DYNC2I1: variants seen among roughly 807,000 people sequenced by gnomAD.
The protein encoded by DYNC2I1 is dynein 2 intermediate chain 1, also known as cytoplasmic dynein 2 intermediate chain 1.
In DYNC2I1, 89 loss-of-function variants were observed where a neutral mutation model predicts 133.4. That is an observed-to-expected ratio of 0.67 (90% confidence interval 0.56 to 0.80). The LOEUF is 0.80. DYNC2I1 is among the 30% of genes least tolerant of loss of function. The pLI is 0.00. For synonymous variants in DYNC2I1, 504 were observed against 484.3 expected (o/e 1.04, Z -0.54); for missense variants, 1,291 against 1,314.5 (o/e 0.98, Z 0.28).
At chr7:158,869,016 A>G (rs1295005313) in intron 1 of DYNC2I1, among the ~76,000 whole-genome samples, 3 of 152,152 alleles carry the variant, frequency 2.0e-5, no homozygotes, top group Non-Finnish European at 2.9e-5. Flanking sequence ...ATTTTCTCAC[A>G]TACTCTGTGG....
chr7:158,901,613 A>T lies in DYNC2I1; in HGVS notation c.1060-126A>T, dbSNP rs28625162. ...ATTTAACATTATATTAGTTTTACAA[A>T]TACCTAGAGTTTAAAATTAGCAACA... On this transcript the variant is annotated intron_variant, in intron 8 of 24. Transcript: ENST00000407559. 471 of 646,496 alleles carry T rather than the reference A, an allele frequency of 7.3e-4. 4 individuals are homozygous for T. The African/African-American group carries it at 7.7e-3, about 11-fold the overall frequency. 40.0% of individuals were successfully genotyped at this position (646,496 alleles called of 1,614,324 possible).
intron 1 of DYNC2I1, chr7:158,869,562 C>T (rs186316942): frequency 5.9e-4 from 305 of 517,694 alleles, no homozygotes; most frequent in African/African-American, 5.5e-3. Flanking sequence ...GAATATTTGT[C>T]CTTCCTCTGT....
At chr7:158,886,882 C>A in intron 6 of DYNC2I1, 139 bp from the exon 7 acceptor site, 1 of 778,214 alleles carries the variant, frequency 1.3e-6, no homozygotes, top group Non-Finnish European at 2.1e-6. Context: ...ATTACAGGTG[C>A]AAGTCATCGC....
chr7:158,897,392 A>G (rs1476899501), intron 8 of DYNC2I1, among the ~76,000 whole-genome samples: 1 of 152,074 alleles, frequency 6.6e-6, no homozygotes, highest in African/African-American at 2.4e-5. Flanking sequence ...TCTTTTTTAG[A>G]AGGTTATTAA....
chr7:158,928,550 T>C (rs1849856121), intron 20 of DYNC2I1, among the ~76,000 whole-genome samples: 1 of 152,208 alleles, frequency 6.6e-6, no homozygotes, highest in African/African-American at 2.4e-5. Context: ...GTCGTGGTGC[T>C]CATTTCACTG....
chr7:158,858,057 C>A (rs975330204), intron 1 of DYNC2I1, among the ~76,000 whole-genome samples: 4 of 152,080 alleles, frequency 2.6e-5, no homozygotes, highest in African/African-American at 9.7e-5. Context: ...TCCCAAAGTG[C>A]TGGGATTACA....
At chr7:158,863,904 G>C (rs1842147514) in intron 1 of DYNC2I1, among the ~76,000 whole-genome samples, 1 of 136,594 alleles carries the variant, frequency 7.3e-6, no homozygotes, top group Admixed American at 7.2e-5. Flanking sequence ...GTGTGTGGGG[G>C]TGGGGAGCGG....
chr7:158,942,949 C>T (rs1043636337), intron 24 of DYNC2I1, among the ~76,000 whole-genome samples: 18 of 152,164 alleles, frequency 1.2e-4, no homozygotes, highest in African/African-American at 9.7e-5. Context: ...CGAAAGCTTT[C>T]GTCATGAGGT....
intron 1 of DYNC2I1, chr7:158,869,410 C>T: frequency 2.1e-6 from 1 of 469,648 alleles, no homozygotes; most frequent in Non-Finnish European, 4.4e-6. Context: ...CCTGGGAGGC[C>T]CATGATACCT....
intron 8 of DYNC2I1, among the ~76,000 whole-genome samples, chr7:158,899,732 AT>A (rs1031211617): frequency 1.3e-5 from 2 of 151,844 alleles, no homozygotes; most frequent in Non-Finnish European, 2.9e-5. Context: ...CCTCTTCCTC[AT>A]TTTCTCTTCC....
intron 8 of DYNC2I1, among the ~76,000 whole-genome samples, chr7:158,898,681 A>G (rs1431795926): frequency 6.6e-6 from 1 of 152,116 alleles, no homozygotes; most frequent in African/African-American, 2.4e-5. Flanking sequence ...GTACATTTAG[A>G]TCATTGATGT....
intron 1 of DYNC2I1, among the ~76,000 whole-genome samples, chr7:158,864,086 T>G (rs1584948529): frequency 2.3e-4 from 4 of 17,178 alleles, no homozygotes; most frequent in East Asian, 1.7e-3. Flanking sequence ...GTGTGTGTGG[T>G]GTGGGGGGAG....
At chr7:158,928,218 T>C (rs755722631) in intron 20 of DYNC2I1, among the ~76,000 whole-genome samples, 2 of 151,768 alleles carry the variant, frequency 1.3e-5, no homozygotes, top group Non-Finnish European at 2.9e-5. Flanking sequence ...GGCTCAGAAG[T>C]GACGGAGTAA....
intron 14 of DYNC2I1, among the ~76,000 whole-genome samples, chr7:158,917,710 C>T (rs1848612795): frequency 6.6e-6 from 1 of 151,990 alleles, no homozygotes; most frequent in Non-Finnish European, 1.5e-5. Flanking sequence ...CACCCCCTGC[C>T]CTCCACACTC....
In DYNC2I1 at chr7:158,941,951, G is replaced by A; in HGVS notation, c.2805G>A (p.Arg935=). Residue 935 remains arginine (R), a synonymous_variant, in exon 24 of 25, where the codon AGG becomes AGA. Coordinates refer to ENST00000407559, the MANE Select transcript of DYNC2I1 (RefSeq NM_018051.5). ...CCGGCTGTTCGGACGGAAGCATCAG[G>A]CTGCACCAGCTGAGCTCCGCGTTTC... ...FLAGCSDGSI[R]LHQLSSAFPL... 6.2e-7 allele frequency: 1 copy of A among 1,609,794 alleles called. No homozygotes were observed. Among genetic ancestry groups the A allele is most frequent in the South Asian group, 1.1e-5 (1 of 90,418 alleles).
chr7:158,948,553 C>T (rs1261177897), downstream of DYNC2I1, among the ~76,000 whole-genome samples: 5 of 147,402 alleles, frequency 3.4e-5, no homozygotes, highest in East Asian at 2.0e-4. Flanking sequence ...TCATCGCCCC[C>T]GGGTGCTTCG....
Position 158,945,567 on chromosome 7 carries a change from C to T in DYNC2I1, c.3003-14C>T. On this transcript the variant is annotated splice_polypyrimidine_tract_variant and intron_variant, in intron 24 of 24. Coordinates refer to ENST00000407559, the MANE Select transcript of DYNC2I1 (RefSeq NM_018051.5). This position sits in a 1 kb window ranked among gnomAD's most constrained non-coding sequence, Gnocchi z 4.1. ...GTGTGCACTGACCCTCTGCTTCTGC[C>T]CCTCTCCCTGCAGGCTGGTGGCCAT... 6.3e-7 allele frequency: 1 copy of T among 1,594,378 alleles called. No homozygotes were observed. Among genetic ancestry groups the T allele is most frequent in the Non-Finnish European group, 8.5e-7 (1 of 1,171,136 alleles).
chr7:158,870,169 C>T (rs985376079), intron 2 of DYNC2I1, among the ~76,000 whole-genome samples: 2 of 152,146 alleles, frequency 1.3e-5, no homozygotes, highest in East Asian at 3.9e-4. Context: ...GTGCTCACTT[C>T]AGGGGCCGCA....
chr7:158,949,423 C>T (rs1026505852), downstream of DYNC2I1, among the ~76,000 whole-genome samples: 2 of 152,238 alleles, frequency 1.3e-5, no homozygotes, highest in African/African-American at 2.4e-5. Context: ...CCACTCACTC[C>T]AGGGAGTAGA....
Sources: allele counts gnomAD v4.1 joint callset (sites outside exome capture counted in the v4.1 genomes callset), GRCh38; gene constraint gnomAD v4.1.1; non-coding constraint Gnocchi (gnomAD v3.1); transcripts MANE v1.5; gene names NCBI Gene and HGNC (gene_info 2026-07-23, HGNC 2026-07-21).